The following OXR1 variants were observed in gnomAD, a reference collection of about 807,000 sequenced individuals.
OXR1 encodes oxidation resistance protein 1.
A neutral mutation model predicts 104.6 loss-of-function variants in OXR1; 41 were observed. The observed-to-expected ratio is 0.39, with a 90% CI of 0.31 to 0.51. OXR1 has a LOEUF of 0.51. Ranked by LOEUF, OXR1 falls within the 20% of genes least tolerant of loss-of-function variation. The pLI, the probability that OXR1 is intolerant of heterozygous loss-of-function variation, is 0.77. For missense variants in OXR1, 955 were observed against 1,031.9 expected, an observed-to-expected ratio of 0.93 and a Z score of 1.02; for synonymous variants, 348 against 348.4, an observed-to-expected ratio of 1.00 and a Z score of 0.01.
chr8:106,504,507 C>T (rs1324704012), intron 2 of OXR1, among the ~76,000 whole-genome samples: 2 of 152,144 alleles, frequency 1.3e-5, no homozygotes, highest in Non-Finnish European at 2.9e-5. Context: ...AATCCCTGAC[C>T]TCAAGTGGCT....
At chr8:106,467,381 G>A (rs10110667) in intron 2 of OXR1, among the ~76,000 whole-genome samples, 8,595 of 151,662 alleles carry the variant, frequency 0.057, 860 homozygotes, top group African/African-American at 0.2. Context: ...GGGATTCATC[G>A]GGTCTCAAAG....
chr8:106,616,938 T>C (rs771377917), intron 3 of OXR1, among the ~76,000 whole-genome samples: 32 of 152,226 alleles, frequency 2.1e-4, no homozygotes, highest in Non-Finnish European at 3.8e-4. Flanking sequence ...AAATAAAATA[T>C]GATGTTACAG....
intron 3 of OXR1, among the ~76,000 whole-genome samples, chr8:106,547,648 A>G (rs1218947765): frequency 1.3e-5 from 2 of 151,900 alleles, no homozygotes; most frequent in Non-Finnish European, 2.9e-5. Context: ...GCACATGACC[A>G]TGCCCAGCTA....
chr8:106,328,162 A>G (rs1814555253), intron 1 of OXR1, among the ~76,000 whole-genome samples: 1 of 152,206 alleles, frequency 6.6e-6, no homozygotes, highest in Non-Finnish European at 1.5e-5. Context: ...TGCGGCTCAT[A>G]GCTAACAATC....
At chr8:106,478,819 A>C (rs1329922386) in intron 2 of OXR1, among the ~76,000 whole-genome samples, 1 of 151,918 alleles carries the variant, frequency 6.6e-6, no homozygotes, top group Non-Finnish European at 1.5e-5. Flanking sequence ...GTTTTCCTGC[A>C]AGCAAGATTT....
chr8:106,378,640 G>T (rs1402453176), intron 2 of OXR1, among the ~76,000 whole-genome samples: 3 of 152,136 alleles, frequency 2.0e-5, no homozygotes, highest in East Asian at 1.9e-4. Flanking sequence ...CTCCCGAGTA[G>T]CTGGGATTAC....
chr8:106,441,268 T>C lies in OXR1; in HGVS notation c.24-77675T>C, dbSNP rs534852965. Among the ~76,000 whole-genome samples, 11 of 152,224 alleles carry C rather than the reference T, an allele frequency of 7.2e-5. No homozygotes were observed. In the East Asian group the frequency reaches 2.1e-3, roughly 29 times the overall value. The stretch of plus-strand genomic sequence containing the variant: ...TTTCTGAGGTCTCTGTTCAGGTCCA[T>C]TGGTCTATATGTGTGTTATGGTACC... On this transcript the variant is annotated intron_variant, in intron 2 of 16. Transcript: ENST00000517566.
At chr8:106,469,337 T>C (rs571410700) in intron 2 of OXR1, among the ~76,000 whole-genome samples, 1 of 151,892 alleles carries the variant, frequency 6.6e-6, no homozygotes, top group Admixed American at 6.6e-5. Context: ...GAATCTATGT[T>C]CAAATTTCAC....
intron 2 of OXR1, among the ~76,000 whole-genome samples, chr8:106,396,270 G>A (rs1457631266): frequency 6.6e-6 from 1 of 152,000 alleles, no homozygotes; most frequent in African/African-American, 2.4e-5. Context: ...TTTGGAAAGG[G>A]AGAAAGAGTA....
At chr8:106,714,933 A>G (rs961447348) in intron 11 of OXR1, among the ~76,000 whole-genome samples, 1 of 152,140 alleles carries the variant, frequency 6.6e-6, no homozygotes, top group Non-Finnish European at 1.5e-5. Context: ...ATACAGCATC[A>G]GTTTCTACTG....
chr8:106,702,938 A>T lies in OXR1; in HGVS notation c.708A>T (p.Pro236=). 6.2e-7 allele frequency: 1 copy of T among 1,613,820 alleles called. No individual in the cohort carries two copies. The highest frequency in any genetic ancestry group is 8.5e-7 in the Non-Finnish European group (1 of 1,179,792). The change falls in exon 8 of 17, where the codon CCA becomes CCT. Residue 236 remains proline (P), a synonymous_variant. Transcript: ENST00000517566. ...TCAGTGGTGTGCTGCTAGTTACACC[A>T]AATAATATAATGTTTGATCCACATA... ...GTVSGVLLVT[P]NNIMFDPHKN... is the part of the protein sequence containing the mutation.
At chr8:106,474,769 C>T (rs913575439) in intron 2 of OXR1, among the ~76,000 whole-genome samples, 7 of 151,886 alleles carry the variant, frequency 4.6e-5, no homozygotes, top group African/African-American at 1.4e-4. Context: ...AACCCTTGAG[C>T]AAGATGATTT....
chr8:106,629,232 C>T (rs891675750), intron 3 of OXR1, among the ~76,000 whole-genome samples: 2 of 151,384 alleles, frequency 1.3e-5, no homozygotes, highest in Admixed American at 1.3e-4. Context: ...GTCTGCTATT[C>T]AAGTCTGTTT....
chr8:106,318,156 G>C (rs943024628), intron 1 of OXR1, among the ~76,000 whole-genome samples: 5 of 152,032 alleles, frequency 3.3e-5, no homozygotes, highest in African/African-American at 1.2e-4. Context: ...TAACAAAATT[G>C]ATTATTAAAA....
At chr8:106,273,114 G>T (rs1811883935) in intron 1 of OXR1, among the ~76,000 whole-genome samples, 1 of 152,108 alleles carries the variant, frequency 6.6e-6, no homozygotes, top group South Asian at 2.1e-4. Flanking sequence ...GTACCCTTGG[G>T]CTGGTTCCTG....
intron 1 of OXR1, among the ~76,000 whole-genome samples, chr8:106,358,963 C>A (rs555776684): frequency 6.7e-6 from 1 of 150,242 alleles, no homozygotes; most frequent in African/African-American, 2.5e-5. Flanking sequence ...TCTTATTTAG[C>A]GAATAATTTA....
chr8:106,403,641 A>G (rs1217916419), intron 2 of OXR1, among the ~76,000 whole-genome samples: 1 of 152,200 alleles, frequency 6.6e-6, no homozygotes, highest in African/African-American at 2.4e-5. Context: ...TTTCCTCTGT[A>G]ATAAACCAAG....
chr8:106,550,949 G>A (rs949037686), intron 3 of OXR1, among the ~76,000 whole-genome samples: 3 of 152,132 alleles, frequency 2.0e-5, no homozygotes, highest in Non-Finnish European at 4.4e-5. Flanking sequence ...ATTCTAGAAT[G>A]GCCCTTTCTT....
intron 3 of OXR1, among the ~76,000 whole-genome samples, chr8:106,554,472 A>G (rs185172911): frequency 3.3e-5 from 5 of 152,340 alleles, no homozygotes; most frequent in African/African-American, 1.2e-4. Flanking sequence ...ATTACTATGA[A>G]AACTGGTAAT....
Sources: gnomAD v4.1 joint callset for allele counts (sites outside exome capture counted in the v4.1 genomes callset) on GRCh38, gnomAD v4.1.1 for gene constraint, MANE v1.5 for transcripts, NCBI Gene and HGNC (gene_info 2026-07-23, HGNC 2026-07-21) for gene names.